AGBL1: variants seen among roughly 807,000 people sequenced by gnomAD.
AGBL1 encodes the protein cytosolic carboxypeptidase 4.
A neutral mutation model predicts 118.9 loss-of-function variants in AGBL1; 130 were observed. The ratio of observed to expected loss-of-function variants is 1.09; its 90% CI spans 0.95 to 1.26. The LOEUF (loss-of-function observed/expected upper bound fraction) is 1.26, where lower values mean the gene tolerates loss of function less well. AGBL1 is among the 50% of genes most tolerant of loss of function. AGBL1 has a pLI of 0.00. For synonymous variants in AGBL1, 555 were observed against 478.9 expected (o/e 1.16, Z -2.08); for missense variants, 1,584 against 1,298.1 (o/e 1.22, Z -3.38).
intron 18 of AGBL1, among the ~76,000 whole-genome samples, chr15:86,519,062 C>A (rs955476394): frequency 3.0e-4 from 45 of 152,014 alleles, no homozygotes; most frequent in African/African-American, 1.1e-3. Context: ...TTCCCTGTAA[C>A]TTATTTTCAG....
chr15:86,136,871 C>G (rs2076896554), intron 1 of AGBL1, among the ~76,000 whole-genome samples: 1 of 152,142 alleles, frequency 6.6e-6, no homozygotes, highest in African/African-American at 2.4e-5. Flanking sequence ...TTCAAAACCC[C>G]ACAGACTATG....
Position 86,275,998 on chromosome 15 carries a change from G to A in AGBL1, c.2076-3641G>A, listed in dbSNP as rs150608504. ...GATAAAATAACATGAGATAAAACAC[G>A]TGTAAAGGTTAGAACAGTGTCTAGT... On this transcript the variant is annotated intron_variant, in intron 15 of 22. Transcript: ENST00000614907. Among the ~76,000 whole-genome samples the A allele has an allele frequency of 1.8e-3, 271 of 152,250 alleles. 2 individuals carry two copies. Among genetic ancestry groups the A allele is most frequent in the Non-Finnish European group, 3.3e-3 (222 of 68,000 alleles).
chr15:86,150,633 C>T (rs961949601), intron 3 of AGBL1, among the ~76,000 whole-genome samples: 1 of 151,934 alleles, frequency 6.6e-6, no homozygotes, highest in African/African-American at 2.4e-5. Flanking sequence ...CAATAAATAG[C>T]CTACCACCAA....
chr15:86,748,737 G>C (rs895398113), intron 22 of AGBL1, among the ~76,000 whole-genome samples: 9 of 151,664 alleles, frequency 5.9e-5, no homozygotes, highest in African/African-American at 1.9e-4. Context: ...TGGCTAGTCA[G>C]TTTTCCCAGC....
At chr15:86,506,057 T>C (rs2082972670) in intron 18 of AGBL1, among the ~76,000 whole-genome samples, 1 of 152,040 alleles carries the variant, frequency 6.6e-6, no homozygotes. Context: ...AGTTTCTTAG[T>C]ATTCTGTAAC....
At chr15:86,756,650 G>A (rs560754463) in intron 22 of AGBL1, among the ~76,000 whole-genome samples, 4 of 152,190 alleles carry the variant, frequency 2.6e-5, no homozygotes, top group African/African-American at 7.2e-5. Flanking sequence ...GGGGTGGAGC[G>A]TCTATAACCA....
intron 18 of AGBL1, among the ~76,000 whole-genome samples, chr15:86,403,035 G>C (rs2081470583): frequency 1.3e-5 from 2 of 152,116 alleles, no homozygotes; most frequent in Admixed American, 1.3e-4. Flanking sequence ...AAATAGAATG[G>C]GCAGTCAACA....
At chr15:86,650,045 T>C (rs2085344727) in intron 21 of AGBL1, among the ~76,000 whole-genome samples, 1 of 152,212 alleles carries the variant, frequency 6.6e-6, no homozygotes, top group Non-Finnish European at 1.5e-5. Flanking sequence ...AGCATTCTTT[T>C]ATGGACATGT....
chr15:86,141,872 TG>T (rs1317919647), intron 1 of AGBL1, 131 bp from the exon 2 acceptor site: 45 of 888,696 alleles, frequency 5.1e-5, no homozygotes, highest in Admixed American at 2.2e-4. Flanking sequence ...TGAATCCCCT[TG>T]CCTGTCCTTT....
intron 19 of AGBL1, among the ~76,000 whole-genome samples, chr15:86,528,468 A>C (rs372597774): frequency 2.0e-5 from 3 of 151,842 alleles, no homozygotes; most frequent in Non-Finnish European, 4.4e-5. Flanking sequence ...CACCCACGGA[A>C]TCTCGCTGAT....
chr15:86,679,170 A>G (rs2085903959), intron 22 of AGBL1, among the ~76,000 whole-genome samples: 1 of 152,058 alleles, frequency 6.6e-6, no homozygotes, highest in Non-Finnish European at 1.5e-5. Context: ...TTTTTGGTCT[A>G]TTGAGTGCTC....
At chr15:86,310,808 T>C (rs2079909337) in intron 17 of AGBL1, among the ~76,000 whole-genome samples, 1 of 152,208 alleles carries the variant, frequency 6.6e-6, no homozygotes, top group South Asian at 2.1e-4. Context: ...GATGACCATA[T>C]TCTCTACTAT....
At chr15:86,717,217 A>G (rs1460299492) in intron 22 of AGBL1, among the ~76,000 whole-genome samples, 1 of 152,176 alleles carries the variant, frequency 6.6e-6, no homozygotes, top group African/African-American at 2.4e-5. Context: ...GAGAACAAGG[A>G]GAAGGAGTGG....
intron 17 of AGBL1, among the ~76,000 whole-genome samples, chr15:86,371,958 G>T (rs2080977509): frequency 6.6e-6 from 1 of 152,128 alleles, no homozygotes; most frequent in Non-Finnish European, 1.5e-5. Flanking sequence ...CTTCCATCTG[G>T]GGCGGGGGTA....
chr15:86,219,391 C>T (rs746899311), intron 5 of AGBL1, among the ~76,000 whole-genome samples: 45 of 152,254 alleles, frequency 3.0e-4, no homozygotes, highest in Non-Finnish European at 5.7e-4. Flanking sequence ...AGCTTTTTAA[C>T]GTAATTTAAT....
rs186569854 is a variant in AGBL1 at position 86,171,634 on chromosome 15, C to A, written c.488+12608C>A. ...AATTAACAGGAATGTAGACTTAAAC[C>A]TAACCATAACTCCTGAGTGGAGTTC... On this transcript the variant is annotated intron_variant, in intron 5 of 22. Transcript: ENST00000614907. 3.9e-3 allele frequency among the ~76,000 whole-genome samples: 588 copies of A among 152,050 alleles called. 6 individuals are homozygous for A. Among genetic ancestry groups the A allele is most frequent in the African/African-American group, 0.014 (572 of 41,536 alleles).
chr15:86,568,609 T>G (rs2083954545), intron 21 of AGBL1, among the ~76,000 whole-genome samples: 1 of 152,222 alleles, frequency 6.6e-6, no homozygotes, highest in Non-Finnish European at 1.5e-5. Flanking sequence ...ATGCTAATCT[T>G]CTTAGGATGC....
Position 86,641,793 on chromosome 15 carries a change from C to T in AGBL1, c.2995-32480C>T, listed in dbSNP as rs116305212. Among the ~76,000 whole-genome samples the T allele has an allele frequency of 2.7e-3, 408 of 152,270 alleles. 2 individuals are homozygous for T. The highest frequency in any genetic ancestry group is 7.2e-3 in the African/African-American group (301 of 41,556). On this transcript the variant is annotated intron_variant, in intron 21 of 22. Coordinates refer to ENST00000614907, the MANE Select transcript of AGBL1 (RefSeq NM_001386094.1). ...CCTAAAAAAACCCCACAGCTTTTAT[C>T]AGTCAACTATTTTTGCAGCAATGCT...
chr15:86,195,526 A>G (rs8029639), intron 5 of AGBL1, among the ~76,000 whole-genome samples: 242 of 152,344 alleles, frequency 1.6e-3, no homozygotes, highest in African/African-American at 5.3e-3. Flanking sequence ...AATAATGCCT[A>G]GAAAATAAAA....
Sources: allele counts gnomAD v4.1 joint callset (sites outside exome capture counted in the v4.1 genomes callset), GRCh38; gene constraint gnomAD v4.1.1; transcripts MANE v1.5; gene names NCBI Gene and HGNC (gene_info 2026-07-23, HGNC 2026-07-21).